The following ADD3 variants were observed in gnomAD, a reference collection of about 807,000 sequenced individuals.
The protein encoded by ADD3 is adducin 3, also known as gamma-adducin.
A neutral mutation model predicts 80.2 loss-of-function variants in ADD3; 25 were observed. The ratio of observed to expected loss-of-function variants is 0.31; its 90% CI spans 0.23 to 0.44. ADD3 has a LOEUF of 0.44. Among genes scored for constraint, ADD3 ranks in the 20% least tolerant of loss-of-function variants. The pLI is 1.00. For missense variants in ADD3, 829 were observed against 847.5 expected (o/e 0.98, Z 0.27); for synonymous variants, 284 against 289.6 (o/e 0.98, Z 0.20).
At chr10:110,096,117 G>C (rs1466396340) in intron 1 of ADD3, among the ~76,000 whole-genome samples, 2 of 152,034 alleles carry the variant, frequency 1.3e-5, no homozygotes, top group African/African-American at 4.8e-5. Flanking sequence ...AGGGCATAAG[G>C]GATGTCTGTG....
intron 1 of ADD3, among the ~76,000 whole-genome samples, chr10:110,039,128 T>C (rs1357305010): frequency 1.3e-5 from 2 of 152,202 alleles, no homozygotes; most frequent in Non-Finnish European, 2.9e-5. Context: ...AAGCCCACTC[T>C]GGCCAGACCC....
chr10:110,003,935 A>G (rs1274835698), upstream of ADD3, among the ~76,000 whole-genome samples: 1 of 152,194 alleles, frequency 6.6e-6, no homozygotes, highest in African/African-American at 2.4e-5. Context: ...CAGTTTCTGG[A>G]TATGTTGGGA....
chr10:110,055,801 G>A (rs1386632820), intron 1 of ADD3, among the ~76,000 whole-genome samples: 2 of 152,142 alleles, frequency 1.3e-5, no homozygotes, highest in African/African-American at 4.8e-5. Flanking sequence ...AATGAAGGAT[G>A]TAAAAGTGCA....
chr10:110,032,475 G>C (rs780874567), intron 1 of ADD3, among the ~76,000 whole-genome samples: 1 of 152,228 alleles, frequency 6.6e-6, no homozygotes, highest in Non-Finnish European at 1.5e-5. Flanking sequence ...AGTAAAACCA[G>C]ACTGGGGAAG....
At chr10:110,019,430 C>T (rs188291561) in intron 1 of ADD3, among the ~76,000 whole-genome samples, 1 of 151,590 alleles carries the variant, frequency 6.6e-6, no homozygotes. Context: ...TCTCGGCTCA[C>T]TGCAACCTCC....
chr10:110,063,485 T>A (rs1287579508), intron 1 of ADD3, among the ~76,000 whole-genome samples: 2 of 151,830 alleles, frequency 1.3e-5, no homozygotes, highest in Non-Finnish European at 2.9e-5. Context: ...TTACTTCTTA[T>A]AAGAAATTGG....
At chr10:110,027,956 T>G (rs140806357) in intron 1 of ADD3, among the ~76,000 whole-genome samples, 2 of 152,086 alleles carry the variant, frequency 1.3e-5, no homozygotes, top group African/African-American at 4.8e-5. Flanking sequence ...TAGAAAAGGT[T>G]GTGGGGGGAA....
chr10:110,113,601 A>T (rs1354000028), intron 3 of ADD3, among the ~76,000 whole-genome samples: 2 of 152,158 alleles, frequency 1.3e-5, no homozygotes, highest in Non-Finnish European at 2.9e-5. Flanking sequence ...AATAAATCTG[A>T]TTTTAATGTG....
chr10:110,028,266 G>A (rs111445369), intron 1 of ADD3, among the ~76,000 whole-genome samples: 6 of 152,306 alleles, frequency 3.9e-5, no homozygotes, highest in Admixed American at 6.5e-5. Flanking sequence ...TAAAATGAAC[G>A]TAGAAGTATA....
At chr10:110,032,495 G>A (rs543906135) in intron 1 of ADD3, among the ~76,000 whole-genome samples, 9 of 152,310 alleles carry the variant, frequency 5.9e-5, no homozygotes, top group Admixed American at 5.2e-4. Flanking sequence ...GTGGGCAGCA[G>A]GGATACTTGG....
At chr10:110,099,221 G>A (rs1848528182) in intron 1 of ADD3, among the ~76,000 whole-genome samples, 2 of 148,376 alleles carry the variant, frequency 1.3e-5, no homozygotes, top group African/African-American at 2.5e-5. Flanking sequence ...GAGCCACCAC[G>A]CCCAGCTTAA....
chr10:110,012,966 C>T (rs77670892), intron 1 of ADD3, among the ~76,000 whole-genome samples: 1,614 of 152,176 alleles, frequency 0.011, 32 homozygotes, highest in African/African-American at 0.038. Context: ...TGCATCAGCA[C>T]CATATGTTAT....
rs749878699 is a variant in ADD3, at chr10:110,118,603, TAGG to T, written c.587_589del (p.Gly196del). ...TTTTTCCAGGTGAAAGTCAATATAA[TAGG>T]AGAAGTGGTTGACCAGGGAAGTACC... On this transcript the variant is annotated inframe_deletion, in exon 6 of 15. Coordinates refer to ENST00000356080, the MANE Select transcript of ADD3 (RefSeq NM_016824.5). 3.7e-6 allele frequency: 6 copies of T among 1,613,706 alleles called. No homozygotes were observed. The highest frequency in any genetic ancestry group is 1.6e-4 in the Middle Eastern group (1 of 6,084).
At chr10:110,086,012 C>G (rs185466544) in intron 1 of ADD3, among the ~76,000 whole-genome samples, 2 of 151,954 alleles carry the variant, frequency 1.3e-5, no homozygotes, top group African/African-American at 4.8e-5. Context: ...GGCTGAAGCA[C>G]GAGAATCGCT....
At chr10:110,053,844 A>G (rs1245548941) in intron 1 of ADD3, among the ~76,000 whole-genome samples, 1 of 152,164 alleles carries the variant, frequency 6.6e-6, no homozygotes, top group Non-Finnish European at 1.5e-5. Context: ...AAATGCAACT[A>G]CCCCTTGACT....
upstream of ADD3, among the ~76,000 whole-genome samples, chr10:110,004,801 T>C (rs754943733): frequency 6.6e-5 from 10 of 152,124 alleles, no homozygotes; most frequent in Non-Finnish European, 1.2e-4. Flanking sequence ...CATTTACTTA[T>C]AGAGAAAAAA....
chr10:109,999,845 C>T (rs971784755), intron 1 of ADD3, among the ~76,000 whole-genome samples: 11 of 151,492 alleles, frequency 7.3e-5, no homozygotes, highest in African/African-American at 2.7e-4. Context: ...AATAATTCTG[C>T]AATCTAGTTG....
chr10:110,120,689 C>G (rs1851383151), intron 8 of ADD3, among the ~76,000 whole-genome samples: 1 of 152,122 alleles, frequency 6.6e-6, no homozygotes, highest in South Asian at 2.1e-4. Flanking sequence ...CCCGCATCGC[C>G]AAGTCAATCC....
chr10:110,100,759 A>G lies in ADD3; in HGVS notation c.106A>G (p.Ile36Val), dbSNP rs1374274469. ...CATCAATGAAAATGACCCAGAATAC[A>G]TTAGGGAGAGGAACATGTCTCCTGA... ...DRINENDPEY[I>V]RERNMSPDLR... Residue 36 changes from isoleucine to valine, a missense_variant, in exon 2 of 15, where the codon ATT becomes GTT. Transcript: ENST00000356080. The G allele has an allele frequency of 1.2e-6, 2 of 1,613,916 alleles. No individual in the cohort carries two copies. The highest frequency in any genetic ancestry group is 1.3e-5 in the African/African-American group (1 of 74,910).
Sources: allele counts gnomAD v4.1 joint callset (sites outside exome capture counted in the v4.1 genomes callset), GRCh38; gene constraint gnomAD v4.1.1; transcripts MANE v1.5; gene names NCBI Gene and HGNC (gene_info 2026-07-23, HGNC 2026-07-21).